ZMYM2: variants seen among roughly 807,000 people sequenced by gnomAD.
The protein encoded by ZMYM2 is zinc finger MYM-type protein 2.
Under a neutral mutation model 162.8 loss-of-function variants are expected in ZMYM2, and 56 were observed. The ratio of observed to expected loss-of-function variants is 0.34; its 90% CI spans 0.28 to 0.43. ZMYM2 has a LOEUF of 0.43. Ranked by LOEUF, ZMYM2 falls within the 20% of genes least tolerant of loss-of-function variation. ZMYM2 has a pLI of 1.00. For missense variants in ZMYM2, 1,275 were observed against 1,621.8 expected (o/e 0.79, Z 3.67); for synonymous variants, 510 against 541.6 (o/e 0.94, Z 0.81).
chr13:19,943,532 A>C, the ZMYM2 span, among the ~76,000 whole-genome samples: 1 of 152,172 alleles, frequency 6.6e-6, no homozygotes, highest in African/African-American at 2.4e-5. Flanking sequence ...TCCAGTCATG[A>C]GAGTCATTTA....
chr13:20,085,983 A>G lies in ZMYM2; in HGVS notation c.4103A>G (p.Asp1368Gly). The G allele has an allele frequency of 6.2e-7, 1 of 1,613,658 alleles. No homozygotes were observed. The highest frequency in any genetic ancestry group is 8.5e-7 in the Non-Finnish European group (1 of 1,179,698). Residue 1368 changes from aspartate to glycine, a missense_variant, in exon 25 of 25, where the codon GAC (aspartate) becomes GGC (glycine). Around this residue, in one of 10 missense-constraint regions of ZMYM2, gnomAD observed 69 missense variants for 78.4 expected, o/e 0.88. Coordinates refer to ENST00000610343, the MANE Select transcript of ZMYM2 (RefSeq NM_197968.4). The stretch of plus-strand genomic sequence containing the variant: ...CTAGTAAAAGATATTTATGATAAAG[A>G]CAATTATGAACTGGATGAAGACACA... ...VLLVKDIYDKDNYELDEDTD is the reference protein window; with the variant it reads ...VLLVKDIYDKGNYELDEDTD
At chr13:19,924,774 G>A in the ZMYM2 span, among the ~76,000 whole-genome samples, 1 of 152,012 alleles carries the variant, frequency 6.6e-6, no homozygotes, top group Non-Finnish European at 1.5e-5. Context: ...ATGAAGATGA[G>A]TGTGCAAATA....
chr13:20,042,916 G>T (rs1289894582), intron 12 of ZMYM2, among the ~76,000 whole-genome samples: 1 of 151,952 alleles, frequency 6.6e-6, no homozygotes, highest in Admixed American at 6.6e-5. Flanking sequence ...TAGAGATGGG[G>T]TTTCACCATG....
Position 19,993,325 on chromosome 13 carries a change from A to G in ZMYM2, c.253A>G (p.Thr85Ala). Residue 85 changes from threonine to alanine, a missense_variant, in exon 3 of 25, where the codon ACA becomes GCA. Physicochemically the swap from Thr to Ala is moderately conservative, Grantham distance 58. Around this residue, in one of 10 missense-constraint regions of ZMYM2, gnomAD observed 295 missense variants for 286.7 expected, o/e 1.03. Coordinates refer to ENST00000610343, the MANE Select transcript of ZMYM2 (RefSeq NM_197968.4). ...VVADQRTITF[T>A]SSKNEELQGN... ...AGCTGATCAAAGAACCATAACATTT[A>G]CATCATCAAAAAATGAAGAACTACA... 6.2e-7 allele frequency: 1 copy of G among 1,613,930 alleles called. No homozygotes were observed.
chr13:20,059,645 A>C, intron 16 of ZMYM2, 83 bp downstream of exon 16: 2 of 734,270 alleles, frequency 2.7e-6, no homozygotes, highest in Non-Finnish European at 4.9e-6. Context: ...CCCTTGAACA[A>C]CAAGAGTTTG....
At chr13:19,981,912 G>A (rs934019606) in intron 2 of ZMYM2, among the ~76,000 whole-genome samples, 11 of 152,144 alleles carry the variant, frequency 7.2e-5, no homozygotes, top group African/African-American at 1.9e-4. Flanking sequence ...GTACACTGTC[G>A]ATGTCACATT....
rs750999463 is a variant in ZMYM2, at chr13:20,002,910, C to G, written c.908C>G (p.Ser303Cys). 2.5e-6 allele frequency: 4 copies of G among 1,614,056 alleles called. No homozygotes were observed. In the African/African-American group the frequency reaches 5.3e-5, roughly 22 times the overall value. ...PRNQKQPGVD[S>C]LSPVASLPKQ... ...AATCAGAAACAACCAGGGGTGGACT[C>G]TTTATCACCAGTGGCCTCACTTCCT... is the stretch of plus-strand genomic sequence containing the variant. Residue 303 changes from serine to cysteine, a missense_variant, in exon 4 of 25, where the codon TCT becomes TGT. Physicochemically the swap from Ser to Cys is moderately radical, Grantham distance 112. Around this residue, in one of 10 missense-constraint regions of ZMYM2, gnomAD observed 115 missense variants for 175.3 expected, o/e 0.66. Coordinates refer to ENST00000610343, the MANE Select transcript of ZMYM2 (RefSeq NM_197968.4).
chr13:19,934,659 A>G, the ZMYM2 span, among the ~76,000 whole-genome samples: 1 of 152,034 alleles, frequency 6.6e-6, no homozygotes, highest in Non-Finnish European at 1.5e-5. Flanking sequence ...TCTTTTACCC[A>G]ATAATGTTTA....
chr13:20,077,956 T>A (rs1439908946), intron 21 of ZMYM2, among the ~76,000 whole-genome samples: 2 of 151,784 alleles, frequency 1.3e-5, no homozygotes, highest in African/African-American at 4.8e-5. Context: ...TAGCTGGGAC[T>A]ACAGGCGCCC....
At chr13:20,051,705 C>T in intron 13 of ZMYM2, 107 bp downstream of exon 13, 2 of 1,117,156 alleles carry the variant, frequency 1.8e-6, no homozygotes, top group Non-Finnish European at 2.4e-6. Context: ...GATAGCTTAA[C>T]AGCAACTTAA....
the ZMYM2 span, among the ~76,000 whole-genome samples, chr13:19,922,071 G>T: frequency 6.6e-6 from 1 of 151,870 alleles, no homozygotes; most frequent in Non-Finnish European, 1.5e-5. Flanking sequence ...GCACCACCAC[G>T]CTCACCTTAT....
In ZMYM2 at chr13:20,026,697, A is replaced by G. The variant is rs1952612799; in HGVS notation, c.1670A>G (p.Tyr557Cys). The G allele has an allele frequency of 1.2e-6, 2 of 1,608,044 alleles. No individual in the cohort carries two copies. The highest frequency in any genetic ancestry group is 1.7e-6 in the Non-Finnish European group (2 of 1,178,698). The change falls in exon 8 of 25, where the codon TAT (tyrosine) becomes TGT (cysteine). Residue 557 changes from tyrosine to cysteine, a missense_variant. Coordinates refer to ENST00000610343, the MANE Select transcript of ZMYM2 (RefSeq NM_197968.4). Reference protein sequence around the residue: ...DMTQCIGPNGYMEPYCSTACM... With the variant: ...DMTQCIGPNGCMEPYCSTACM... ...ACTCAGTGTATAGGTCCTAATGGAT[A>G]TATGGAGCCATATTGTTCAACTGCT...
chr13:20,077,633 A>T (rs1451933043), intron 21 of ZMYM2, among the ~76,000 whole-genome samples: 1 of 141,358 alleles, frequency 7.1e-6, no homozygotes, highest in Non-Finnish European at 1.5e-5. Context: ...CAGCAAAGGG[A>T]TGAGAGAGGG....
chr13:20,019,667 T>C, intron 7 of ZMYM2, 49 bp downstream of exon 7: 1 of 1,469,242 alleles, frequency 6.8e-7, no homozygotes, highest in East Asian at 2.4e-5. Context: ...TTTTGAGCAC[T>C]GCTACTACTG....
At chr13:19,996,501 C>T (rs926901788) in intron 3 of ZMYM2, among the ~76,000 whole-genome samples, 2 of 151,970 alleles carry the variant, frequency 1.3e-5, no homozygotes, top group African/African-American at 2.4e-5. Context: ...TCAAGGTGGA[C>T]GGATCATCTG....
intron 10 of ZMYM2, among the ~76,000 whole-genome samples, chr13:20,031,819 G>T (rs1953170220): frequency 6.7e-6 from 1 of 149,318 alleles, no homozygotes; most frequent in Non-Finnish European, 1.5e-5. Flanking sequence ...GAATGTATCA[G>T]TCATATACCA....
intron 3 of ZMYM2, among the ~76,000 whole-genome samples, chr13:20,002,259 A>AC (rs1950449566): frequency 6.6e-6 from 1 of 152,236 alleles, no homozygotes; most frequent in African/African-American, 2.4e-5. Context: ...TCCTTGCCTA[A>AC]AGTGATATTT....
At chr13:20,079,621 A>C (rs1161825061) in intron 21 of ZMYM2, among the ~76,000 whole-genome samples, 1 of 152,198 alleles carries the variant, frequency 6.6e-6, no homozygotes, top group East Asian at 1.9e-4. Flanking sequence ...ATAATATGGC[A>C]TTGCTTCCCA....
At chr13:20,051,635 T>TA in intron 13 of ZMYM2, 37 bp downstream of exon 13, 1 of 1,568,140 alleles carries the variant, frequency 6.4e-7, no homozygotes, top group Non-Finnish European at 8.6e-7. Context: ...GAAAACCCTG[T>TA]ACATCAGTCT....
Sources: gnomAD v4.1 joint callset for allele counts (sites outside exome capture counted in the v4.1 genomes callset) on GRCh38, gnomAD v4.1.1 for gene constraint, gnomAD v4.1.1 regional missense constraint, MANE v1.5 for transcripts, NCBI Gene and HGNC (gene_info 2026-07-23, HGNC 2026-07-21) for gene names.